LYPLAL1: variants seen among roughly 807,000 people sequenced by gnomAD.
LYPLAL1 encodes the protein lysophospholipase like 1.
LYPLAL1 carries 23 observed loss-of-function variants against 19.7 expected under a neutral mutation model. That is an observed-to-expected ratio of 1.17 (90% CI 0.84 to 1.65). The LOEUF is 1.65. Among genes scored for constraint, LYPLAL1 ranks in the 40% most tolerant of loss-of-function variants. The probability of loss-of-function intolerance (pLI) is 0.00; values close to 1 mark genes in which losing one functional copy is unlikely to be tolerated. For synonymous variants in LYPLAL1, 119 were observed against 96.3 expected (o/e 1.24, Z -1.38); for missense variants, 355 against 279.4 (o/e 1.27, Z -1.93).
chr1:219,369,690 C>G, the LYPLAL1 span, among the ~76,000 whole-genome samples: 87 of 152,356 alleles, frequency 5.7e-4, no homozygotes, highest in African/African-American at 2.0e-3. Context: ...TCATTCTACT[C>G]TGTGCAATAT....
At chr1:219,428,946 C>CTGTG in the LYPLAL1 span, among the ~76,000 whole-genome samples, 109,260 of 151,596 alleles carry the variant, frequency 0.72, 39,770 homozygotes, top group African/African-American at 0.8. Flanking sequence ...GTGTGTGCAT[C>CTGTG]TGTGTGTGGT....
the LYPLAL1 span, among the ~76,000 whole-genome samples, chr1:219,296,030 A>G: frequency 1.3e-5 from 2 of 152,236 alleles, no homozygotes; most frequent in Non-Finnish European, 2.9e-5. Context: ...TCTCATTGGC[A>G]CATAGTTGGT....
the LYPLAL1 span, among the ~76,000 whole-genome samples, chr1:219,381,094 C>G: frequency 6.6e-5 from 10 of 152,118 alleles, no homozygotes; most frequent in Admixed American, 6.5e-4. Context: ...AATTGTAGCT[C>G]CCATAATTCC....
chr1:219,178,153 C>A (rs745327168), intron 1 of LYPLAL1, among the ~76,000 whole-genome samples: 1 of 152,184 alleles, frequency 6.6e-6, no homozygotes. Flanking sequence ...CATAAACTTC[C>A]TCTTGCAGAG....
chr1:219,299,153 T>TA, the LYPLAL1 span, among the ~76,000 whole-genome samples: 2 of 151,346 alleles, frequency 1.3e-5, no homozygotes, highest in South Asian at 4.2e-4. Context: ...TTTTTTTTTT[T>TA]TTTTGTCTTT....
intron 2 of LYPLAL1, among the ~76,000 whole-genome samples, chr1:219,186,507 G>A (rs1321994748): frequency 1.3e-5 from 2 of 148,810 alleles, no homozygotes; most frequent in South Asian, 2.2e-4. Flanking sequence ...ATATTATTAG[G>A]TGCATATTCA....
the LYPLAL1 span, among the ~76,000 whole-genome samples, chr1:219,297,247 A>T: frequency 6.6e-6 from 1 of 152,248 alleles, no homozygotes; most frequent in African/African-American, 2.4e-5. Context: ...TTTGTCCCAG[A>T]TAGATGCTTT....
the LYPLAL1 span, among the ~76,000 whole-genome samples, chr1:219,419,548 A>AACACACACAC: frequency 7.2e-4 from 70 of 97,848 alleles, no homozygotes; most frequent in African/African-American, 1.5e-3. Flanking sequence ...GCCCTAGCCC[A>AACACACACAC]ACACACACAC....
the LYPLAL1 span, among the ~76,000 whole-genome samples, chr1:219,437,687 C>T: frequency 1.3e-5 from 2 of 151,988 alleles, no homozygotes; most frequent in Non-Finnish European, 2.9e-5. Context: ...GGGTGTGCAA[C>T]AATTAAGTCC....
chr1:219,336,546 C>T, the LYPLAL1 span, among the ~76,000 whole-genome samples: 1 of 151,924 alleles, frequency 6.6e-6, no homozygotes, highest in Non-Finnish European at 1.5e-5. Context: ...AACACTGCAA[C>T]TATTGATAAT....
chr1:219,382,011 G>C, the LYPLAL1 span, among the ~76,000 whole-genome samples: 1 of 152,200 alleles, frequency 6.6e-6, no homozygotes, highest in Non-Finnish European at 1.5e-5. Flanking sequence ...GGCTTAGCTA[G>C]GAATGGATGT....
intron 1 of LYPLAL1, chr1:219,174,371 CGT>C: frequency 1.1e-6 from 1 of 896,036 alleles, no homozygotes; most frequent in African/African-American, 1.8e-5. Flanking sequence ...ATTTTTCAGT[CGT>C]AATTGCCCAT....
At chr1:219,422,854 A>G in the LYPLAL1 span, among the ~76,000 whole-genome samples, 1 of 152,194 alleles carries the variant, frequency 6.6e-6, no homozygotes, top group African/African-American at 2.4e-5. Context: ...TTCTAGTAAC[A>G]TAAATGTTGC....
chr1:219,380,410 G>A, the LYPLAL1 span, among the ~76,000 whole-genome samples: 1 of 152,188 alleles, frequency 6.6e-6, no homozygotes, highest in Admixed American at 6.5e-5. Context: ...AAACAAACAT[G>A]CTCATTGGAA....
chr1:219,226,476 C>T, the LYPLAL1 span, among the ~76,000 whole-genome samples: 1 of 152,192 alleles, frequency 6.6e-6, no homozygotes, highest in East Asian at 1.9e-4. Flanking sequence ...AAATATTCTT[C>T]CCTGAGAAGC....
the LYPLAL1 span, among the ~76,000 whole-genome samples, chr1:219,275,452 A>G: frequency 2.6e-5 from 4 of 152,024 alleles, no homozygotes; most frequent in South Asian, 6.2e-4. Context: ...ATAATTTTCT[A>G]TATATTCAGA....
At chr1:219,179,050 T>G in intron 1 of LYPLAL1, 97 bp from the exon 2 acceptor site, 2 of 747,146 alleles carry the variant, frequency 2.7e-6, no homozygotes, top group South Asian at 4.4e-5. Flanking sequence ...TTAAATCCTT[T>G]ATTCCATCCT....
Position 219,179,138 on chromosome 1 carries a change from A to C in LYPLAL1, c.92-9A>C. The C allele has an allele frequency of 6.3e-7, 1 of 1,575,488 alleles. No individual in the cohort carries two copies. Among genetic ancestry groups the C allele is most frequent in the Non-Finnish European group, 8.6e-7 (1 of 1,160,090 alleles). ...TATTTATTTTAATCTAGATTTTTTG[A>C]TTCATCAGGTGATTCTGGACAAGGA... On this transcript the variant is annotated splice_polypyrimidine_tract_variant and intron_variant, in intron 1 of 4. Transcript: ENST00000366928.
At chr1:219,328,537 A>G in the LYPLAL1 span, among the ~76,000 whole-genome samples, 3 of 152,142 alleles carry the variant, frequency 2.0e-5, no homozygotes, top group Admixed American at 1.3e-4. Flanking sequence ...TTTGTCTGAT[A>G]GAGTCATCAT....
Sources: gnomAD v4.1 joint callset for allele counts (sites outside exome capture counted in the v4.1 genomes callset) on GRCh38, gnomAD v4.1.1 for gene constraint, MANE v1.5 for transcripts, NCBI Gene and HGNC (gene_info 2026-07-23, HGNC 2026-07-21) for gene names.